Variants in PARD3B observed in about 807,000 individuals in gnomAD.
PARD3B encodes partitioning defective 3 homolog B.
A neutral mutation model predicts 130.2 loss-of-function variants in PARD3B; 103 were observed. That is an observed-to-expected ratio of 0.79 (90% CI 0.67 to 0.93). The LOEUF (loss-of-function observed/expected upper bound fraction) is 0.93, where lower values mean the gene tolerates loss of function less well. Among genes scored for constraint, PARD3B ranks in the 40% least tolerant of loss-of-function variants. The pLI, the probability that PARD3B is intolerant of heterozygous loss-of-function variation, is 0.00. For missense variants in PARD3B, 1,609 were observed against 1,499.2 expected (o/e 1.07, Z -1.21); for synonymous variants, 583 against 553.2 (o/e 1.05, Z -0.76).
At chr2:205,480,807 TC>T (rs757520586) in intron 20 of PARD3B, among the ~76,000 whole-genome samples, 4 of 152,078 alleles carry the variant, frequency 2.6e-5, no homozygotes, top group Admixed American at 6.6e-5. Flanking sequence ...CAGGGGGTGA[TC>T]ATTGCTACAA....
chr2:204,635,473 C>G (rs1236496732), intron 1 of PARD3B, among the ~76,000 whole-genome samples: 1 of 152,188 alleles, frequency 6.6e-6, no homozygotes, highest in East Asian at 1.9e-4. Flanking sequence ...TATTTGCAGA[C>G]TCTTCTCTAA....
intron 1 of PARD3B, among the ~76,000 whole-genome samples, chr2:204,564,157 T>G (rs999469757): frequency 1.3e-5 from 2 of 152,210 alleles, no homozygotes; most frequent in African/African-American, 2.4e-5. Context: ...TACGTTCTTT[T>G]ACAGGTGGCA....
chr2:205,152,810 C>G (rs998074456), intron 10 of PARD3B, among the ~76,000 whole-genome samples: 2 of 152,162 alleles, frequency 1.3e-5, no homozygotes, highest in Admixed American at 6.5e-5. Context: ...TGGTGAGGAG[C>G]TGCGATCCTT....
intron 20 of PARD3B, among the ~76,000 whole-genome samples, chr2:205,489,687 A>C (rs1039891035): frequency 6.6e-6 from 1 of 151,940 alleles, no homozygotes; most frequent in Admixed American, 6.6e-5. Context: ...CTAAAATTTG[A>C]ACACAGTCAG....
chr2:204,891,540 T>C (rs906309868), intron 2 of PARD3B, among the ~76,000 whole-genome samples: 1 of 152,182 alleles, frequency 6.6e-6, no homozygotes, highest in Non-Finnish European at 1.5e-5. Flanking sequence ...ACAAAATGTT[T>C]TAATCAGTGT....
intron 2 of PARD3B, among the ~76,000 whole-genome samples, chr2:204,770,195 A>ATG (rs2041302344): frequency 1.4e-5 from 1 of 72,526 alleles, no homozygotes; most frequent in African/African-American, 5.6e-5. Flanking sequence ...AGATTCTGGT[A>ATG]TGTGGTGTCT....
chr2:204,710,905 A>T (rs1376314111), intron 2 of PARD3B, among the ~76,000 whole-genome samples: 1 of 152,208 alleles, frequency 6.6e-6, no homozygotes, highest in East Asian at 1.9e-4. Context: ...CTGGTCTAAA[A>T]ATTCTAGCCC....
chr2:205,613,175 G>T (rs1410950334), intron 22 of PARD3B, among the ~76,000 whole-genome samples: 1 of 152,218 alleles, frequency 6.6e-6, no homozygotes, highest in Non-Finnish European at 1.5e-5. Flanking sequence ...TGCTAAGAGA[G>T]TCCGGAGGGA....
At chr2:205,157,444 A>G (rs2034246008) in intron 10 of PARD3B, among the ~76,000 whole-genome samples, 1 of 152,220 alleles carries the variant, frequency 6.6e-6, no homozygotes, top group South Asian at 2.1e-4. Flanking sequence ...TTATAAGAAA[A>G]TTAAATGAAA....
At chr2:205,492,536 A>C (rs2049757864) in intron 20 of PARD3B, among the ~76,000 whole-genome samples, 1 of 152,168 alleles carries the variant, frequency 6.6e-6, no homozygotes, top group South Asian at 2.1e-4. Context: ...AGTGACAGTA[A>C]ATTTGGGAAG....
At chr2:204,716,022 T>C (rs1346919683) in intron 2 of PARD3B, among the ~76,000 whole-genome samples, 1 of 152,216 alleles carries the variant, frequency 6.6e-6, no homozygotes, top group African/African-American at 2.4e-5. Flanking sequence ...CAGAAAACTC[T>C]TACGCATGCT....
chr2:205,301,351 A>G lies in PARD3B; in HGVS notation c.2393-113A>G, dbSNP rs2041990128. The G allele has an allele frequency of 1.1e-5, 17 of 1,496,510 alleles. No homozygotes were observed. The highest frequency in any genetic ancestry group is 1.4e-5 in the African/African-American group (1 of 71,192). The allele number at this position is 1,496,510 out of a possible 1,614,324, so 92.7% of individuals were successfully genotyped here. On this transcript the variant is annotated intron_variant, in intron 17 of 22. Transcript: ENST00000406610. This position sits in a 1 kb window ranked among gnomAD's most constrained non-coding sequence, Gnocchi z 5.2. ...GGCGCACGTAACCACATAGAAGGGT[A>G]GAACTACAGAGTGCTGTTATTCATT... is the stretch of plus-strand genomic sequence containing the variant.
chr2:205,228,366 G>T (rs1389794379), intron 15 of PARD3B, among the ~76,000 whole-genome samples: 4 of 152,136 alleles, frequency 2.6e-5, no homozygotes, highest in Non-Finnish European at 5.9e-5. Flanking sequence ...ATTTATGCCA[G>T]ATATACTATT....
chr2:204,726,452 C>T (rs28366983), intron 2 of PARD3B, among the ~76,000 whole-genome samples: 20,174 of 152,084 alleles, frequency 0.13, 1,581 homozygotes, highest in African/African-American at 0.22. Context: ...ATAGCATTTG[C>T]TTTTACTGTT....
At chr2:205,147,897 A>C (rs1304689691) in intron 10 of PARD3B, among the ~76,000 whole-genome samples, 1 of 152,190 alleles carries the variant, frequency 6.6e-6, no homozygotes. Context: ...GTGACGTAAT[A>C]TTGAATTTTG....
chr2:205,258,307 A>G lies in PARD3B; in HGVS notation c.2185+12485A>G, dbSNP rs1342761144. Among the ~76,000 whole-genome samples the G allele has an allele frequency of 6.6e-6, 1 of 152,154 alleles. No homozygotes were observed. Among genetic ancestry groups the G allele is most frequent in the Non-Finnish European group, 1.5e-5 (1 of 68,014 alleles). ...AGCTTCAGTGAGGAAAACTCTCCTC[A>G]GGCCTTTGCACATGCATTCGATTAG... On this transcript the variant is annotated intron_variant, in intron 16 of 22. Coordinates refer to ENST00000406610, the MANE Select transcript of PARD3B (RefSeq NM_001302769.2). The surrounding 1 kb of genome is among the most constrained non-coding windows in gnomAD (Gnocchi z 4.9).
rs768469918 is a variant in PARD3B at position 205,478,152 on chromosome 2, T to G, written c.3045-21744T>G. On this transcript the variant is annotated intron_variant, in intron 20 of 22. Coordinates refer to ENST00000406610, the MANE Select transcript of PARD3B (RefSeq NM_001302769.2). ...ATTCACGTGCAATGAATGGTGTCTA[T>G]GGCTACCTAGCACTGTCTGTACTTC... Among the ~76,000 whole-genome samples, 29 of 152,226 alleles carry G rather than the reference T, an allele frequency of 1.9e-4. 1 individual carries two copies. Among genetic ancestry groups the G allele is most frequent in the Non-Finnish European group, 3.4e-4 (23 of 68,032 alleles).
At chr2:205,130,445 GA>G (rs2031895170) in intron 10 of PARD3B, among the ~76,000 whole-genome samples, 1 of 152,142 alleles carries the variant, frequency 6.6e-6, no homozygotes, top group African/African-American at 2.4e-5. Flanking sequence ...CTGAAAAACT[GA>G]AGTTTTTCTG....
intron 15 of PARD3B, among the ~76,000 whole-genome samples, chr2:205,197,030 GGGGTGTGTGTGTGTGTGTGT>G (rs2036725189): frequency 5.9e-5 from 1 of 17,076 alleles, no homozygotes; most frequent in Admixed American, 7.2e-4. Flanking sequence ...CTGTGGGGGG[GGGGTGTGTGTGTGTGTGTGT>G]GTGTGTGTGT....
Sources: allele counts gnomAD v4.1 joint callset (sites outside exome capture counted in the v4.1 genomes callset), GRCh38; gene constraint gnomAD v4.1.1; non-coding constraint Gnocchi (gnomAD v3.1); transcripts MANE v1.5; gene names NCBI Gene and HGNC (gene_info 2026-07-23, HGNC 2026-07-21).